The following KCNIP4 variants were observed in gnomAD, a reference collection of about 807,000 sequenced individuals.
The protein encoded by KCNIP4 is Kv channel-interacting protein 4.
Under a neutral mutation model 34.0 loss-of-function variants are expected in KCNIP4, and 12 were observed. That is an observed-to-expected ratio of 0.35 (90% CI 0.23 to 0.57). The LOEUF (loss-of-function observed/expected upper bound fraction) is 0.57. KCNIP4 is among the 20% of genes least tolerant of loss of function. The pLI, the probability that KCNIP4 is intolerant of heterozygous loss-of-function variation, is 0.83. For synonymous variants in KCNIP4, 124 were observed against 102.2 expected, an observed-to-expected ratio of 1.21 and a Z score of -1.29; for missense variants, 238 against 311.7, an observed-to-expected ratio of 0.76 and a Z score of 1.78.
chr4:20,968,577 C>G (rs1295079086), intron 1 of KCNIP4, among the ~76,000 whole-genome samples: 3 of 152,012 alleles, frequency 2.0e-5, no homozygotes, highest in Non-Finnish European at 4.4e-5. Context: ...CACATATACA[C>G]CATGGAATAC....
At chr4:20,816,192 T>C (rs1249299580) in intron 3 of KCNIP4, among the ~76,000 whole-genome samples, 1 of 149,248 alleles carries the variant, frequency 6.7e-6, no homozygotes, top group Non-Finnish European at 1.5e-5. Context: ...AGGCAGAGGT[T>C]CCAGTGATCC....
chr4:21,287,858 T>C lies in KCNIP4; in HGVS notation c.62-405149A>G, dbSNP rs1052871007. 4.6e-5 allele frequency among the ~76,000 whole-genome samples: 7 copies of C among 152,148 alleles called. No individual in the cohort carries two copies. The East Asian group carries it at 1.3e-3, about 29-fold the overall frequency. Reference sequence around the variant, plus strand: ...TTGAGAAATCAAAAAAATATATATATAGTTAATACCAAAATATATTTTGGA... The same window carrying C: ...TTGAGAAATCAAAAAAATATATATACAGTTAATACCAAAATATATTTTGGA... On this transcript the variant is annotated intron_variant, in intron 1 of 8. Coordinates refer to ENST00000382152, the MANE Select transcript of KCNIP4 (RefSeq NM_025221.6).
At chr4:21,011,241 G>A (rs1003600389) in intron 1 of KCNIP4, among the ~76,000 whole-genome samples, 9 of 152,138 alleles carry the variant, frequency 5.9e-5, no homozygotes, top group African/African-American at 7.2e-5. Context: ...TGTTTCTACC[G>A]TATTCACTTC....
intron 1 of KCNIP4, among the ~76,000 whole-genome samples, chr4:21,593,064 A>C (rs1742339898): frequency 1.3e-5 from 2 of 151,800 alleles, no homozygotes; most frequent in African/African-American, 4.8e-5. Flanking sequence ...ACTCCTTCTA[A>C]AATGCTGCAT....
intron 1 of KCNIP4, among the ~76,000 whole-genome samples, chr4:21,289,187 G>A (rs372543969): frequency 2.8e-4 from 43 of 152,272 alleles, no homozygotes; most frequent in African/African-American, 9.6e-4. Context: ...CATAATGGGT[G>A]TATATATTTA....
intron 3 of KCNIP4, among the ~76,000 whole-genome samples, chr4:20,843,942 A>G (rs1384034035): frequency 6.6e-6 from 1 of 152,240 alleles, no homozygotes; most frequent in Non-Finnish European, 1.5e-5. Flanking sequence ...CTGAGTCATT[A>G]TGAATTTTTA....
chr4:21,612,300 T>A lies in KCNIP4; in HGVS notation c.61+336271A>T, dbSNP rs545184257. On this transcript the variant is annotated intron_variant, in intron 1 of 8. Transcript: ENST00000382152. ...GCCACCAAAGTGAAAAGAAACAAAG[T>A]TTTTGTATAGAAAACTGGCATGTTA... Among the ~76,000 whole-genome samples the A allele has an allele frequency of 3.5e-4, 53 of 152,302 alleles. 2 individuals carry two copies. In the South Asian group the frequency reaches 0.011, roughly 31 times the overall value.
At chr4:21,748,305 G>C (rs1716917137) in intron 1 of KCNIP4, among the ~76,000 whole-genome samples, 1 of 152,140 alleles carries the variant, frequency 6.6e-6, no homozygotes, top group South Asian at 2.1e-4. Flanking sequence ...AGGCAAAACA[G>C]AGCCTCTCCA....
In KCNIP4 at chr4:21,889,193, T is replaced by C. The variant is rs114751931; in HGVS notation, c.61+59378A>G. ...TGGCTGAGATAGTGACACTTTTGCT[T>C]TTCCATGGGTCAATGCATGCAAACT... On this transcript the variant is annotated intron_variant, in intron 1 of 8. Coordinates refer to ENST00000382152, the MANE Select transcript of KCNIP4 (RefSeq NM_025221.6). Among the ~76,000 whole-genome samples, 1,328 of 152,218 alleles carry C rather than the reference T, an allele frequency of 8.7e-3. 15 individuals are homozygous for C. Among genetic ancestry groups the C allele is most frequent in the South Asian group, 0.034 (164 of 4,830 alleles).
chr4:20,870,819 A>G (rs1475543658), intron 2 of KCNIP4, among the ~76,000 whole-genome samples: 8 of 152,098 alleles, frequency 5.3e-5, no homozygotes, highest in African/African-American at 1.9e-4. Context: ...TGAATTGCCA[A>G]CTTCTGTGTT....
intron 1 of KCNIP4, among the ~76,000 whole-genome samples, chr4:21,784,390 T>C (rs1719764788): frequency 1.3e-5 from 2 of 151,862 alleles, no homozygotes; most frequent in Admixed American, 1.3e-4. Flanking sequence ...AAACAAAAAC[T>C]TTCTTGCCCA....
intron 1 of KCNIP4, among the ~76,000 whole-genome samples, chr4:21,461,500 T>A (rs1379051431): frequency 6.6e-6 from 1 of 152,032 alleles, no homozygotes. Flanking sequence ...CATGGCAGAT[T>A]TAAAGTAATA....
chr4:21,522,189 T>C (rs1441969202), intron 1 of KCNIP4, among the ~76,000 whole-genome samples: 2 of 151,974 alleles, frequency 1.3e-5, no homozygotes, highest in African/African-American at 4.8e-5. Flanking sequence ...TCATCCCCCA[T>C]GCCAATTGAC....
At chr4:21,562,957 C>G (rs1296173991) in intron 1 of KCNIP4, among the ~76,000 whole-genome samples, 1 of 151,924 alleles carries the variant, frequency 6.6e-6, no homozygotes, top group African/African-American at 2.4e-5. Flanking sequence ...TTACTGTTAC[C>G]TTTGATTTAT....
intron 1 of KCNIP4, among the ~76,000 whole-genome samples, chr4:21,688,545 C>T (rs972974089): frequency 6.6e-6 from 1 of 152,102 alleles, no homozygotes; most frequent in Non-Finnish European, 1.5e-5. Context: ...ACAACTTGTA[C>T]TATCAGAGCT....
intron 1 of KCNIP4, among the ~76,000 whole-genome samples, chr4:21,827,544 C>T (rs1722745588): frequency 6.6e-6 from 1 of 151,952 alleles, no homozygotes; most frequent in Non-Finnish European, 1.5e-5. Flanking sequence ...AATCAAGCAT[C>T]AAAGTTTGGT....
intron 5 of KCNIP4, among the ~76,000 whole-genome samples, chr4:20,735,923 AG>A (rs1749521487): frequency 6.6e-6 from 1 of 152,218 alleles, no homozygotes; most frequent in Admixed American, 6.5e-5. Context: ...ATGAAAGCAG[AG>A]GGGAAATCCA....
At chr4:21,617,721 C>T (rs1744702400) in intron 1 of KCNIP4, among the ~76,000 whole-genome samples, 1 of 152,156 alleles carries the variant, frequency 6.6e-6, no homozygotes, top group African/African-American at 2.4e-5. Flanking sequence ...ATGTTTTATT[C>T]CACCCTCTAT....
chr4:21,836,914 ATTTT>A (rs201730191), intron 1 of KCNIP4, among the ~76,000 whole-genome samples: 14 of 123,554 alleles, frequency 1.1e-4, no homozygotes, highest in African/African-American at 2.7e-4. Context: ...GCTGGGATAA[ATTTT>A]TTTTTTTTTT....
Sources: allele counts gnomAD v4.1 joint callset (sites outside exome capture counted in the v4.1 genomes callset), GRCh38; gene constraint gnomAD v4.1.1; transcripts MANE v1.5; gene names NCBI Gene and HGNC (gene_info 2026-07-23, HGNC 2026-07-21).